SYN3: variants seen among roughly 807,000 people sequenced by gnomAD.
SYN3 encodes the protein synapsin-3.
SYN3 carries 35 observed loss-of-function variants against 65.8 expected under a neutral mutation model. That is an observed-to-expected ratio of 0.53 (90% CI 0.41 to 0.70). The LOEUF (loss-of-function observed/expected upper bound fraction) is 0.70. SYN3 is among the 30% of genes least tolerant of loss of function. The pLI is 0.00. For missense variants in SYN3, 680 were observed against 749.0 expected, an observed-to-expected ratio of 0.91 and a Z score of 1.08; for synonymous variants, 270 against 292.9, an observed-to-expected ratio of 0.92 and a Z score of 0.80.
chr22:32,590,549 A>T (rs2059114050), intron 7 of SYN3, among the ~76,000 whole-genome samples: 1 of 152,178 alleles, frequency 6.6e-6, no homozygotes, highest in African/African-American at 2.4e-5. Flanking sequence ...ACCTAAAATA[A>T]CTCCTGTGCG....
chr22:32,838,771 G>T (rs1420755413), intron 6 of SYN3, among the ~76,000 whole-genome samples: 1 of 151,826 alleles, frequency 6.6e-6, no homozygotes, highest in Non-Finnish European at 1.5e-5. Context: ...CTTCGTTATT[G>T]TATTACCTTT....
At chr22:32,849,591 T>C in intron 6 of SYN3, 1 of 1,530,784 alleles carries the variant, frequency 6.5e-7, no homozygotes, top group African/African-American at 1.4e-5. Flanking sequence ...GCCAGAAGAG[T>C]CCTGGCTAAG....
At chr22:32,625,092 T>C (rs1206884813) in intron 6 of SYN3, among the ~76,000 whole-genome samples, 1 of 152,122 alleles carries the variant, frequency 6.6e-6, no homozygotes, top group Admixed American at 6.6e-5. Context: ...TTTCTCTAGT[T>C]GGGTGGATTT....
chr22:32,877,846 G>A (rs2049023355), intron 4 of SYN3, among the ~76,000 whole-genome samples: 1 of 152,036 alleles, frequency 6.6e-6, no homozygotes, highest in Non-Finnish European at 1.5e-5. Flanking sequence ...TCTGCTTCAT[G>A]GAATCATCTC....
chr22:32,650,834 TG>T (rs2060059432), intron 6 of SYN3, among the ~76,000 whole-genome samples: 1 of 152,232 alleles, frequency 6.6e-6, no homozygotes, highest in Admixed American at 6.5e-5. Flanking sequence ...CTTAGCTTCT[TG>T]CCCAGCATTA....
At chr22:32,564,910 T>TG (rs2058644482) in intron 7 of SYN3, among the ~76,000 whole-genome samples, 1 of 53,094 alleles carries the variant, frequency 1.9e-5, no homozygotes, top group African/African-American at 7.0e-5. Context: ...TGCTCCCGGA[T>TG]TACACCCAAA....
At position 32,611,054 on chromosome 22, in the gene SYN3, A is replaced by G. The variant is rs184141301; in HGVS notation, c.712-14318T>C. Among the ~76,000 whole-genome samples the G allele has an allele frequency of 1.7e-3, 260 of 152,326 alleles. 1 individual carries two copies. Among genetic ancestry groups the G allele is most frequent in the African/African-American group, 5.9e-3 (246 of 41,566 alleles). The stretch of plus-strand genomic sequence containing the variant: ...CATGAAGACAAATGAATGTCTAGGA[A>G]ATCTCAAGAATATGGGTAATACTTT... On this transcript the variant is annotated intron_variant, in intron 6 of 13. Transcript: ENST00000358763.
At chr22:32,855,645 C>T (rs573940237) in intron 6 of SYN3, among the ~76,000 whole-genome samples, 12 of 152,272 alleles carry the variant, frequency 7.9e-5, no homozygotes, top group African/African-American at 2.9e-4. Context: ...ATTTCTCAAC[C>T]TCAGTACCAT....
At position 32,859,915 on chromosome 22, in the gene SYN3, G is replaced by T. The variant is rs56131109; in HGVS notation, c.711+5000C>A. On this transcript the variant is annotated intron_variant, in intron 6 of 13. Transcript: ENST00000358763. ...ATGTTATACACCAGGAGCTGCCACT[G>T]CATGTCCCAACCAGACTGTGTCTGT... is the stretch of plus-strand genomic sequence containing the variant. 0.013 allele frequency: 2,176 copies of T among 164,148 alleles called. 22 individuals are homozygous for T. The highest frequency in any genetic ancestry group is 0.021 in the Non-Finnish European group (1,575 of 75,404). The allele number at this position is 164,148 out of a possible 1,614,324, so 10.2% of individuals were successfully genotyped here. A position where few individuals can be genotyped will look rare whatever the true frequency, so the allele number is the denominator to read the frequency against.
chr22:32,816,522 T>G (rs2047091768), intron 6 of SYN3, among the ~76,000 whole-genome samples: 1 of 152,184 alleles, frequency 6.6e-6, no homozygotes, highest in African/African-American at 2.4e-5. Flanking sequence ...ACCAGCTTTT[T>G]TATTTTTGGT....
At chr22:32,555,845 G>A (rs1253337805) in intron 7 of SYN3, among the ~76,000 whole-genome samples, 4 of 152,148 alleles carry the variant, frequency 2.6e-5, no homozygotes, top group Non-Finnish European at 5.9e-5. Context: ...CTAGTCGGAT[G>A]GGGTCAAGGG....
At chr22:32,884,951 T>C (rs549483129) in intron 4 of SYN3, among the ~76,000 whole-genome samples, 4 of 152,364 alleles carry the variant, frequency 2.6e-5, no homozygotes, top group South Asian at 2.1e-4. Context: ...TGTATCTCAT[T>C]ATGTGGCTCG....
intron 3 of SYN3, among the ~76,000 whole-genome samples, chr22:32,954,674 C>T (rs1158033830): frequency 6.6e-6 from 1 of 152,150 alleles, no homozygotes; most frequent in Non-Finnish European, 1.5e-5. Context: ...AGTAGTACCA[C>T]AGATGAACCA....
At chr22:32,771,237 C>T (rs5749506) in intron 6 of SYN3, among the ~76,000 whole-genome samples, 119,257 of 152,134 alleles carry the variant, frequency 0.78, 47,585 homozygotes, top group African/African-American at 0.94. Flanking sequence ...AGGACATGAA[C>T]TCATTCTTTT....
intron 6 of SYN3, among the ~76,000 whole-genome samples, chr22:32,835,749 A>G (rs2047711925): frequency 6.6e-6 from 1 of 152,086 alleles, no homozygotes; most frequent in Admixed American, 6.5e-5. Flanking sequence ...CAGTTACTGG[A>G]CTTCTCTCTT....
intron 7 of SYN3, among the ~76,000 whole-genome samples, chr22:32,561,619 C>T (rs1352940147): frequency 1.3e-5 from 2 of 152,302 alleles, no homozygotes; most frequent in South Asian, 2.1e-4. Context: ...GGAACAACAT[C>T]CCTGGCCTGT....
chr22:33,038,742 T>A (rs2053906533), intron 1 of SYN3, among the ~76,000 whole-genome samples: 1 of 151,258 alleles, frequency 6.6e-6, no homozygotes, highest in African/African-American at 2.4e-5. Flanking sequence ...AGGCAGCCAG[T>A]CATCCTATTT....
intron 1 of SYN3, among the ~76,000 whole-genome samples, chr22:33,020,320 C>T (rs1433746576): frequency 6.6e-6 from 1 of 152,174 alleles, no homozygotes; most frequent in East Asian, 1.9e-4. Context: ...TCTTCTTCTT[C>T]TCAATACCTC....
At chr22:32,729,686 G>A (rs2061244679) in intron 6 of SYN3, among the ~76,000 whole-genome samples, 1 of 152,180 alleles carries the variant, frequency 6.6e-6, no homozygotes, top group Admixed American at 6.5e-5. Flanking sequence ...TTTCTTGAGT[G>A]GGAGAGAAAA....
Sources: allele counts gnomAD v4.1 joint callset (sites outside exome capture counted in the v4.1 genomes callset), GRCh38; gene constraint gnomAD v4.1.1; transcripts MANE v1.5; gene names NCBI Gene and HGNC (gene_info 2026-07-23, HGNC 2026-07-21).